SLC13A1: variants seen among roughly 807,000 people sequenced by gnomAD.
The protein encoded by SLC13A1 is solute carrier family 13 member 1.
In SLC13A1, 65 loss-of-function variants were observed where a neutral mutation model predicts 70.0. That is an observed-to-expected ratio of 0.93 (90% CI 0.76 to 1.14). The LOEUF is 1.14. Ranked by LOEUF, SLC13A1 falls within the 50% of genes most tolerant of loss-of-function variation. The pLI is 0.00. For missense variants in SLC13A1, 726 were observed against 717.8 expected, an observed-to-expected ratio of 1.01 and a Z score of -0.13; for synonymous variants, 275 against 250.5, an observed-to-expected ratio of 1.10 and a Z score of -0.92.
Position 123,175,232 on chromosome 7 carries a change from G to C in SLC13A1, c.229-3328C>G, listed in dbSNP as rs1421738401. ...GTGCAATAAAGTATTATAGATGCTT[G>C]AATGATACCTCTCCAAAATATAATT... On this transcript the variant is annotated intron_variant, in intron 2 of 14. Coordinates refer to ENST00000194130, the MANE Select transcript of SLC13A1 (RefSeq NM_022444.4). Among the ~76,000 whole-genome samples the C allele has an allele frequency of 2.0e-5, 3 of 152,142 alleles. No individual in the cohort carries two copies. The East Asian group carries it at 5.8e-4, about 29-fold the overall frequency.
At chr7:123,132,581 A>C (rs1793804013) in intron 8 of SLC13A1, among the ~76,000 whole-genome samples, 2 of 152,174 alleles carry the variant, frequency 1.3e-5, no homozygotes, top group Admixed American at 1.3e-4. Context: ...AATGTTGGCC[A>C]GGCTGGTCTC....
At chr7:123,183,531 C>A (rs1383163986) in intron 1 of SLC13A1, among the ~76,000 whole-genome samples, 1 of 152,134 alleles carries the variant, frequency 6.6e-6, no homozygotes, top group African/African-American at 2.4e-5. Context: ...ATTTGCTCCG[C>A]CTTTCAAATA....
At chr7:123,192,997 TTCC>T (rs1796049912) in intron 1 of SLC13A1, among the ~76,000 whole-genome samples, 1 of 152,070 alleles carries the variant, frequency 6.6e-6, no homozygotes, top group Admixed American at 6.6e-5. Context: ...AAATTTTTAG[TTCC>T]TCCTTTTCAC....
intron 10 of SLC13A1, among the ~76,000 whole-genome samples, chr7:123,125,927 C>T (rs923014563): frequency 6.6e-6 from 1 of 152,180 alleles, no homozygotes; most frequent in Non-Finnish European, 1.5e-5. Flanking sequence ...CACGTATACA[C>T]ATGCTGACAT....
At chr7:123,175,721 T>G (rs973792890) in intron 2 of SLC13A1, among the ~76,000 whole-genome samples, 3 of 152,288 alleles carry the variant, frequency 2.0e-5, no homozygotes, top group South Asian at 2.1e-4. Context: ...CTTAATGTAT[T>G]TTGTTGTAGT....
chr7:123,118,856 G>C (rs950797738), intron 13 of SLC13A1, among the ~76,000 whole-genome samples: 2 of 152,044 alleles, frequency 1.3e-5, no homozygotes, highest in African/African-American at 4.8e-5. Flanking sequence ...GAAAAAGTAA[G>C]TTGTTCACTT....
intron 13 of SLC13A1, 95 bp downstream of exon 13, chr7:123,118,986 C>A (rs1793273187): frequency 6.0e-6 from 7 of 1,173,610 alleles, no homozygotes; most frequent in Non-Finnish European, 8.3e-6. Context: ...CCATTTAGAC[C>A]AAAAGAGATT....
At chr7:123,163,577 G>T (rs1794980280) in intron 6 of SLC13A1, among the ~76,000 whole-genome samples, 1 of 152,054 alleles carries the variant, frequency 6.6e-6, no homozygotes, top group Non-Finnish European at 1.5e-5. Flanking sequence ...GTTATTATCT[G>T]TATGAGAATT....
chr7:123,119,477 C>T (rs1793301899), intron 12 of SLC13A1, among the ~76,000 whole-genome samples: 1 of 151,810 alleles, frequency 6.6e-6, no homozygotes, highest in South Asian at 2.1e-4. Flanking sequence ...TGTATTACCA[C>T]TTTTTTCAAT....
chr7:123,177,673 T>G (rs1795493957), intron 2 of SLC13A1, among the ~76,000 whole-genome samples: 1 of 152,092 alleles, frequency 6.6e-6, no homozygotes, highest in African/African-American at 2.4e-5. Context: ...GCTCCAAATA[T>G]TCAAATGGCT....
intron 11 of SLC13A1, among the ~76,000 whole-genome samples, chr7:123,123,688 G>A (rs1793464579): frequency 6.6e-6 from 1 of 152,010 alleles, no homozygotes; most frequent in Non-Finnish European, 1.5e-5. Context: ...CATTTTATTA[G>A]TTTTTAGGTC....
chr7:123,178,033 C>CTCTCTCTATA (rs761704605), intron 2 of SLC13A1, among the ~76,000 whole-genome samples: 36 of 150,046 alleles, frequency 2.4e-4, no homozygotes, highest in African/African-American at 7.6e-4. Context: ...CTCTCTCTCT[C>CTCTCTCTATA]TATATATATA....
At chr7:123,178,041 A>G (rs1292690479) in intron 2 of SLC13A1, among the ~76,000 whole-genome samples, 1 of 128,564 alleles carries the variant, frequency 7.8e-6, no homozygotes, top group Non-Finnish European at 1.7e-5. Context: ...CTCTATATAT[A>G]TATATATATC....
intron 7 of SLC13A1, among the ~76,000 whole-genome samples, chr7:123,138,387 A>G (rs753829407): frequency 3.3e-5 from 5 of 152,194 alleles, no homozygotes; most frequent in South Asian, 4.1e-4. Flanking sequence ...ATGGGAGTGC[A>G]GATATACCTT....
At chr7:123,131,092 G>C (rs140116081) in intron 8 of SLC13A1, among the ~76,000 whole-genome samples, 1 of 152,074 alleles carries the variant, frequency 6.6e-6, no homozygotes, top group African/African-American at 2.4e-5. Context: ...ATTTTCTTTC[G>C]TAAAGTATCT....
At chr7:123,198,155 AGTGAAGATCATAAT>A (rs1236886885) in intron 1 of SLC13A1, among the ~76,000 whole-genome samples, 1 of 152,018 alleles carries the variant, frequency 6.6e-6, no homozygotes, top group African/African-American at 2.4e-5. Context: ...AGAGTTGCAA[AGTGAAGATCATAAT>A]GTGTCTTAGA....
chr7:123,175,819 A>G (rs1020447790), intron 2 of SLC13A1, among the ~76,000 whole-genome samples: 3 of 152,242 alleles, frequency 2.0e-5, no homozygotes, highest in African/African-American at 2.4e-5. Flanking sequence ...AAATACAAAT[A>G]AACACTTAGA....
rs114919493 is a variant in SLC13A1, at chr7:123,142,926, C to G, written c.812+4233G>C. On this transcript the variant is annotated intron_variant, in intron 7 of 14. Coordinates refer to ENST00000194130, the MANE Select transcript of SLC13A1 (RefSeq NM_022444.4). ...GCCACCGCACCCGGCTGACGAAGAG[C>G]TCTTTAGTTAGCAGGTGATGCAACC... 4.1e-3 allele frequency among the ~76,000 whole-genome samples: 618 copies of G among 152,090 alleles called. 5 individuals carry two copies. The highest frequency in any genetic ancestry group is 0.014 in the African/African-American group (586 of 41,496).
intron 8 of SLC13A1, among the ~76,000 whole-genome samples, chr7:123,132,986 T>C (rs1170675550): frequency 6.6e-6 from 1 of 152,234 alleles, no homozygotes; most frequent in Non-Finnish European, 1.5e-5. Flanking sequence ...GAAGTTGTCT[T>C]TGAATGCATG....
Sources: gnomAD v4.1 joint callset for allele counts (sites outside exome capture counted in the v4.1 genomes callset) on GRCh38, gnomAD v4.1.1 for gene constraint, MANE v1.5 for transcripts, NCBI Gene and HGNC (gene_info 2026-07-23, HGNC 2026-07-21) for gene names.